LPIN1: variants seen among roughly 807,000 people sequenced by gnomAD.
The protein encoded by LPIN1 is lipin 1, also known as phosphatidate phosphatase LPIN1.
A neutral mutation model predicts 107.5 loss-of-function variants in LPIN1; 71 were observed. The observed-to-expected ratio is 0.66, with a 90% CI of 0.55 to 0.80. The LOEUF (loss-of-function observed/expected upper bound fraction) is 0.80. Among genes scored for constraint, LPIN1 ranks in the 30% least tolerant of loss-of-function variants. The probability of loss-of-function intolerance (pLI) is 0.00; values close to 1 mark genes in which losing one functional copy is unlikely to be tolerated. For missense variants in LPIN1, 1,043 were observed against 1,160.6 expected (o/e 0.90, Z 1.47); for synonymous variants, 445 against 452.6 (o/e 0.98, Z 0.21).
At chr2:11,742,425 A>C, upstream of LPIN1, among the ~76,000 whole-genome samples, 1 of 152,118 alleles carries the variant, frequency 6.6e-6, no homozygotes, top group African/African-American at 2.4e-5. Flanking sequence ...TTTTCTTAGC[A>C]CTGGAGAATG....
At position 11,693,786 on chromosome 2, in the gene LPIN1, GTGTATA is replaced by G. The variant is rs1316942775; in HGVS notation, c.81+16060_81+16065del. 4.5e-5 allele frequency among the ~76,000 whole-genome samples: 2 copies of G among 44,040 alleles called. 1 individual carries two copies. Among genetic ancestry groups the G allele is most frequent in the African/African-American group, 2.0e-4 (2 of 9,820 alleles). 28.9% of individuals were successfully genotyped at this position (44,040 alleles called of 152,430 possible). A position where few individuals can be genotyped will look rare whatever the true frequency, so the allele number is the denominator to read the frequency against. On this transcript the variant is annotated intron_variant, in intron 1 of 21. Coordinates refer to the LPIN1 transcript ENST00000449576. The stretch of plus-strand genomic sequence containing the variant: ...GAGCCATATATGTGTGTGTGTGAGT[GTGTATA>G]TATATATATATATATATATATATAT...
intron 1 of LPIN1, among the ~76,000 whole-genome samples, chr2:11,708,574 A>T (rs1032416031): frequency 6.6e-6 from 1 of 152,092 alleles, no homozygotes; most frequent in Admixed American, 6.5e-5. Flanking sequence ...GGGAGCCATG[A>T]AAGGTTTTCA....
At chr2:11,732,802 G>T (rs2148547749) in intron 1 of LPIN1, among the ~76,000 whole-genome samples, 1 of 152,160 alleles carries the variant, frequency 6.6e-6, no homozygotes, top group East Asian at 1.9e-4. Context: ...CAAAAGAGCT[G>T]GTCATTGTTC....
rs748507027 is a variant in LPIN1, at chr2:11,787,148, G to A, written c.1624G>A (p.Val542Met). The A allele has an allele frequency of 1.2e-5, 19 of 1,613,174 alleles. No individual in the cohort carries two copies. Among genetic ancestry groups the A allele is most frequent in the Non-Finnish European group, 8.5e-6 (10 of 1,179,226 alleles). Residue 542 changes from valine (V) to methionine (M), a missense_variant, in exon 11 of 21, where the codon GTG (valine) becomes ATG (methionine). Physicochemically the swap from Val to Met is conservative, Grantham distance 21. Coordinates refer to ENST00000674199, the MANE Select transcript of LPIN1 (RefSeq NM_001349206.2). ...CGCTATTATCGATGACCCCAATCTCGTGGTAAAGATTGGGAGTAAGTAAGT... is the reference window on the plus strand; with the variant it reads ...CGCTATTATCGATGACCCCAATCTCATGGTAAAGATTGGGAGTAAGTAAGT... ...NPAIIDDPNLVVKIGSKYYNW... is the reference protein window; with the variant it reads ...NPAIIDDPNLMVKIGSKYYNW...
intron 17 of LPIN1, among the ~76,000 whole-genome samples, chr2:11,811,079 C>A (rs762789527): frequency 2.0e-5 from 3 of 152,190 alleles, no homozygotes; most frequent in Non-Finnish European, 4.4e-5. Flanking sequence ...TGGGTCCCAC[C>A]TGTCCTTCTG....
chr2:11,770,412 G>C (rs937527705), intron 3 of LPIN1, among the ~76,000 whole-genome samples: 67 of 152,268 alleles, frequency 4.4e-4, no homozygotes, highest in African/African-American at 1.6e-3. Context: ...CTGCCTGGCT[G>C]CCCATTCCCT....
Position 11,804,702 on chromosome 2 carries a change from C to T in LPIN1, c.2162+131C>T, listed in dbSNP as rs535986622. 7.4e-6 allele frequency: 7 copies of T among 949,014 alleles called. No homozygotes were observed. The African/African-American group carries it at 8.0e-5, about 11-fold the overall frequency. The allele number at this position is 949,014 out of a possible 1,614,324, so 58.8% of individuals were successfully genotyped here. On this transcript the variant is annotated intron_variant, in intron 16 of 20. Transcript: ENST00000674199. The stretch of plus-strand genomic sequence containing the variant: ...TCGAATTCTGGTGCAGTTGGAGCTC[C>T]TTACGTAGTTTCAGCTCCTTGGTGG...
At chr2:11,716,370 A>T (rs1663741454) in intron 2 of LPIN1, among the ~76,000 whole-genome samples, 1 of 152,082 alleles carries the variant, frequency 6.6e-6, no homozygotes, top group Non-Finnish European at 1.5e-5. Flanking sequence ...TAGGGGCGAA[A>T]GTAAGACTCA....
chr2:11,748,575 C>T (rs1667311584), intron 1 of LPIN1, among the ~76,000 whole-genome samples: 1 of 152,220 alleles, frequency 6.6e-6, no homozygotes, highest in South Asian at 2.1e-4. Context: ...TAAAGTGCCA[C>T]AGGGTGCCAG....
At chr2:11,809,312 A>T (rs571856160) in intron 17 of LPIN1, among the ~76,000 whole-genome samples, 2 of 152,306 alleles carry the variant, frequency 1.3e-5, no homozygotes, top group South Asian at 4.1e-4. Flanking sequence ...TAGAAAAAAG[A>T]ACACTTACCG....
intron 1 of LPIN1, among the ~76,000 whole-genome samples, chr2:11,730,969 T>C (rs1285981780): frequency 6.6e-6 from 1 of 152,196 alleles, no homozygotes; most frequent in Non-Finnish European, 1.5e-5. Context: ...GCTGTGCTGA[T>C]TAAGACGCAG....
chr2:11,702,323 T>G (rs1178132713), intron 1 of LPIN1, among the ~76,000 whole-genome samples: 1 of 152,206 alleles, frequency 6.6e-6, no homozygotes, highest in Non-Finnish European at 1.5e-5. Context: ...TGTCCCTAGT[T>G]GTCTGATCCC....
In LPIN1 at chr2:11,807,316, T is replaced by G. The variant is rs117837306; in HGVS notation, c.2249+2160T>G. Reference sequence around the variant, plus strand: ...CCACAGCCTCACCACGGGCTGACCTTTCATTTAGAAGGATTAATCTACTCA... The same window carrying G: ...CCACAGCCTCACCACGGGCTGACCTGTCATTTAGAAGGATTAATCTACTCA... On this transcript the variant is annotated intron_variant, in intron 17 of 20. Coordinates refer to ENST00000674199, the MANE Select transcript of LPIN1 (RefSeq NM_001349206.2). Among the ~76,000 whole-genome samples the G allele has an allele frequency of 1.2e-4, 19 of 152,270 alleles. No individual in the cohort carries two copies. The East Asian group carries it at 3.5e-3, about 28-fold the overall frequency.
At chr2:11,761,514 G>A (rs1271514413) in intron 1 of LPIN1, among the ~76,000 whole-genome samples, 1 of 152,170 alleles carries the variant, frequency 6.6e-6, no homozygotes, top group Admixed American at 6.5e-5. Context: ...GAGAGGAGGT[G>A]TATCAGTACA....
At chr2:11,733,119 C>T (rs1422833223) in intron 1 of LPIN1, among the ~76,000 whole-genome samples, 2 of 152,124 alleles carry the variant, frequency 1.3e-5, no homozygotes, top group Admixed American at 1.3e-4. Flanking sequence ...CAGAAAAATG[C>T]ACCCCATGAC....
rs56788115 is a variant in LPIN1 at position 11,741,072 on chromosome 2, A to C, written c.-71-277A>C. 64,044 of 275,402 alleles carry C rather than the reference A, an allele frequency of 0.23. 11,660 individuals carry two copies. The highest frequency in any genetic ancestry group is 0.6 in the African/African-American group (27,529 of 45,712). The allele number at this position is 275,402 out of a possible 1,614,324, so 17.1% of individuals were successfully genotyped here. On this transcript the variant is annotated intron_variant, in intron 1 of 21. Transcript: ENST00000396097. ...GAAAGAGATCTTCCTCAAGCCACGG[A>C]GAAGACAGGCTTGACAAGGAGCAGG...
intron 1 of LPIN1, among the ~76,000 whole-genome samples, chr2:11,692,198 A>G (rs374231238): frequency 1.3e-5 from 2 of 152,250 alleles, no homozygotes; most frequent in East Asian, 3.8e-4. Context: ...GCAAAAAGGC[A>G]TCTGTCCTTA....
chr2:11,790,686 CAG>C (rs1675567192), intron 12 of LPIN1, among the ~76,000 whole-genome samples: 1 of 152,232 alleles, frequency 6.6e-6, no homozygotes, highest in African/African-American at 2.4e-5. Context: ...ATCCTCCACT[CAG>C]AGGCAGTTAC....
At position 11,793,006 on chromosome 2, in the gene LPIN1, A is replaced by G. The variant is rs542389753; in HGVS notation, c.1806+1000A>G. Among the ~76,000 whole-genome samples, 8 of 152,208 alleles carry G rather than the reference A, an allele frequency of 5.3e-5. No individual in the cohort carries two copies. In the Middle Eastern group the frequency reaches 0.01, roughly 194 times the overall value. On this transcript the variant is annotated intron_variant, in intron 13 of 20. Coordinates refer to ENST00000674199, the MANE Select transcript of LPIN1 (RefSeq NM_001349206.2). ...CTTACTTTTCCCTTCTGCCCATGCG[A>G]TGACTCCATTTTTGTCTCCAAACCA...
Sources: allele counts gnomAD v4.1 joint callset (sites outside exome capture counted in the v4.1 genomes callset), GRCh38; gene constraint gnomAD v4.1.1; transcripts MANE v1.5; gene names NCBI Gene and HGNC (gene_info 2026-07-23, HGNC 2026-07-21).